The following TAFA1 variants were observed in gnomAD, a reference collection of about 807,000 sequenced individuals.
TAFA1 encodes chemokine-like protein TAFA-1.
Under a neutral mutation model 18.5 loss-of-function variants are expected in TAFA1, and 4 were observed. The ratio of observed to expected loss-of-function variants is 0.22; its 90% CI spans 0.11 to 0.49. TAFA1 has a LOEUF of 0.49. TAFA1 is among the 20% of genes least tolerant of loss of function. TAFA1 has a pLI of 0.98. For synonymous variants in TAFA1, 56 were observed against 55.2 expected, an observed-to-expected ratio of 1.01 and a Z score of -0.06; for missense variants, 147 against 169.0, an observed-to-expected ratio of 0.87 and a Z score of 0.72.
chr3:68,498,194 T>G (rs1046776867), intron 3 of TAFA1, among the ~76,000 whole-genome samples: 2 of 152,198 alleles, frequency 1.3e-5, no homozygotes, highest in African/African-American at 4.8e-5. Context: ...ATAAGGATAG[T>G]GTCTACCTCA....
chr3:68,539,728 GAGGGGGT>G (rs2073342312), intron 4 of TAFA1, among the ~76,000 whole-genome samples: 2 of 119,190 alleles, frequency 1.7e-5, no homozygotes, highest in African/African-American at 3.2e-5. Context: ...GTGGTGGGGG[GAGGGGGT>G]GCATGCCTGT....
chr3:68,462,279 T>C (rs2071798618), intron 3 of TAFA1, among the ~76,000 whole-genome samples: 2 of 152,126 alleles, frequency 1.3e-5, no homozygotes, highest in Admixed American at 1.3e-4. Flanking sequence ...GCTCCCATAA[T>C]TCCTACATGG....
At chr3:68,360,927 C>A (rs1177087458) in intron 2 of TAFA1, among the ~76,000 whole-genome samples, 2 of 151,852 alleles carry the variant, frequency 1.3e-5, no homozygotes, top group African/African-American at 2.4e-5. Context: ...GTTTAATATT[C>A]ATAAGAAACA....
chr3:68,315,577 A>G (rs546400315), intron 2 of TAFA1, among the ~76,000 whole-genome samples: 34 of 152,264 alleles, frequency 2.2e-4, no homozygotes, highest in African/African-American at 7.9e-4. Flanking sequence ...AGTTCCTTAT[A>G]TAGTTCTTTA....
At chr3:68,106,579 T>C (rs990743323) in intron 2 of TAFA1, among the ~76,000 whole-genome samples, 1 of 152,080 alleles carries the variant, frequency 6.6e-6, no homozygotes, top group African/African-American at 2.4e-5. Context: ...CAATGAAAGA[T>C]GAAAGGTAAA....
At chr3:68,531,857 C>T (rs2073192942) in intron 3 of TAFA1, among the ~76,000 whole-genome samples, 1 of 152,160 alleles carries the variant, frequency 6.6e-6, no homozygotes, top group African/African-American at 2.4e-5. Context: ...GTCAACCTAA[C>T]TACCTGCTCT....
intron 2 of TAFA1, among the ~76,000 whole-genome samples, chr3:68,399,117 C>T (rs187281574): frequency 1.3e-5 from 2 of 152,242 alleles, no homozygotes; most frequent in East Asian, 1.9e-4. Flanking sequence ...ATAATTAAAA[C>T]ATCAAAGGTG....
chr3:68,041,216 T>A (rs535948287), intron 2 of TAFA1, among the ~76,000 whole-genome samples: 70 of 152,358 alleles, frequency 4.6e-4, no homozygotes, highest in African/African-American at 1.6e-3. Flanking sequence ...TTGTTTACAT[T>A]CCCGAAAGAC....
intron 2 of TAFA1, among the ~76,000 whole-genome samples, chr3:68,180,177 T>C (rs4603958): frequency 0.94 from 141,701 of 151,388 alleles, 66,428 homozygotes; most frequent in South Asian, 0.97. Context: ...GGACTACAGG[T>C]GTGCACCACC....
intron 3 of TAFA1, among the ~76,000 whole-genome samples, chr3:68,452,148 C>A (rs1022186168): frequency 2.0e-5 from 3 of 152,092 alleles, no homozygotes; most frequent in African/African-American, 7.2e-5. Flanking sequence ...CCTGAGAAGG[C>A]CTGAAGGACA....
rs114169026 is a variant in TAFA1 at position 68,403,069 on chromosome 3, T to G, written c.119-14211T>G. On this transcript the variant is annotated intron_variant, in intron 2 of 4. Coordinates refer to ENST00000478136, the MANE Select transcript of TAFA1 (RefSeq NM_213609.4). Reference sequence around the variant, plus strand: ...GTCTAGATAGATTTAGATACACAAGTACTTATTATGTTATAGCTGCCTACA... The same window carrying G: ...GTCTAGATAGATTTAGATACACAAGGACTTATTATGTTATAGCTGCCTACA... 9.1e-3 allele frequency among the ~76,000 whole-genome samples: 1,386 copies of G among 152,308 alleles called. 26 individuals carry two copies. Among genetic ancestry groups the G allele is most frequent in the African/African-American group, 0.032 (1,324 of 41,554 alleles).
At position 68,047,505 on chromosome 3, in the gene TAFA1, G is replaced by A. The variant is rs147468586; in HGVS notation, c.118+40761G>A. Among the ~76,000 whole-genome samples, 7 of 152,198 alleles carry A rather than the reference G, an allele frequency of 4.6e-5. No individual in the cohort carries two copies. The East Asian group carries it at 1.4e-3, about 29-fold the overall frequency. On this transcript the variant is annotated intron_variant, in intron 2 of 4. Coordinates refer to ENST00000478136, the MANE Select transcript of TAFA1 (RefSeq NM_213609.4). ...AAGCCCTCATCTCTGAAATGAACCAGAATTAATGGGATCTATTCTTTCTTT... is the reference window on the plus strand; with the variant it reads ...AAGCCCTCATCTCTGAAATGAACCAAAATTAATGGGATCTATTCTTTCTTT...
chr3:68,378,167 G>C (rs1297414703), intron 2 of TAFA1, among the ~76,000 whole-genome samples: 4 of 152,196 alleles, frequency 2.6e-5, no homozygotes, highest in Admixed American at 6.5e-5. Context: ...CTAGAACCCA[G>C]AATTGTAGAT....
At chr3:68,460,400 T>C (rs2071752442) in intron 3 of TAFA1, among the ~76,000 whole-genome samples, 1 of 152,164 alleles carries the variant, frequency 6.6e-6, no homozygotes. Flanking sequence ...GTTCCTTCAG[T>C]ATAAAGGATT....
chr3:68,505,941 A>G (rs1210665939), intron 3 of TAFA1, among the ~76,000 whole-genome samples: 2 of 151,368 alleles, frequency 1.3e-5, no homozygotes, highest in Admixed American at 1.3e-4. Context: ...CAGGACATGC[A>G]GGTTTGTTAC....
chr3:68,077,494 A>G (rs1288423987), intron 2 of TAFA1, among the ~76,000 whole-genome samples: 3 of 144,528 alleles, frequency 2.1e-5, no homozygotes, highest in Non-Finnish European at 4.5e-5. Flanking sequence ...TATAAGGTGT[A>G]AGGAAGGGAT....
At chr3:68,526,081 A>G (rs2073107798) in intron 3 of TAFA1, among the ~76,000 whole-genome samples, 1 of 152,304 alleles carries the variant, frequency 6.6e-6, no homozygotes, top group South Asian at 2.1e-4. Context: ...TTCAGAGTTA[A>G]GAGACACTTC....
chr3:68,263,906 T>C (rs2067488056), intron 2 of TAFA1, among the ~76,000 whole-genome samples: 1 of 152,226 alleles, frequency 6.6e-6, no homozygotes, highest in South Asian at 2.1e-4. Flanking sequence ...TATCAATATC[T>C]GTGTATCTTC....
intron 2 of TAFA1, among the ~76,000 whole-genome samples, chr3:68,014,676 G>A (rs1209192916): frequency 6.6e-6 from 1 of 152,106 alleles, no homozygotes; most frequent in Non-Finnish European, 1.5e-5. Flanking sequence ...TTATCTATTT[G>A]ACATAGCAGG....
Sources: gnomAD v4.1 joint callset for allele counts (sites outside exome capture counted in the v4.1 genomes callset) on GRCh38, gnomAD v4.1.1 for gene constraint, MANE v1.5 for transcripts, NCBI Gene and HGNC (gene_info 2026-07-23, HGNC 2026-07-21) for gene names.